KHDRBS1: variants seen among roughly 807,000 people sequenced by gnomAD.
The protein encoded by KHDRBS1 is KH domain-containing, RNA-binding, signal transduction-associated protein 1.
A neutral mutation model predicts 48.4 loss-of-function variants in KHDRBS1; 7 were observed. The observed-to-expected ratio is 0.14, with a 90% CI of 0.08 to 0.27. The LOEUF is 0.27. Ranked by LOEUF, KHDRBS1 falls within the 10% of genes least tolerant of loss-of-function variation. The probability of loss-of-function intolerance (pLI) is 1.00; values close to 1 mark genes in which losing one functional copy is unlikely to be tolerated. For missense variants in KHDRBS1, 458 were observed against 601.2 expected, an observed-to-expected ratio of 0.76 and a Z score of 2.49; for synonymous variants, 241 against 235.8, an observed-to-expected ratio of 1.02 and a Z score of -0.20.
intron 1 of KHDRBS1, among the ~76,000 whole-genome samples, chr1:32,015,416 A>T (rs970290193): frequency 2.0e-5 from 3 of 152,212 alleles, no homozygotes; most frequent in Non-Finnish European, 4.4e-5. Context: ...CTGAATGAGT[A>T]GTTGGACTCT....
At position 32,039,534 on chromosome 1, in the gene KHDRBS1, T is replaced by C; in HGVS notation, c.1195T>C (p.Tyr399His). ...TTTCAGGGACTCAGAATATTATGAC[T>C]ATGGACATGGGGAGGTTCAAGATTC... ...QSQGDSEYYD[Y>H]GHGEVQDSYE... The change falls in exon 8 of 9, where the codon TAT becomes CAT. Residue 399 changes from tyrosine (Y) to histidine (H), a missense_variant. Coordinates refer to ENST00000327300, the MANE Select transcript of KHDRBS1 (RefSeq NM_006559.3). 6.6e-7 allele frequency: 1 copy of C among 1,519,354 alleles called. No homozygotes were observed. Among genetic ancestry groups the C allele is most frequent in the Non-Finnish European group, 9.1e-7 (1 of 1,093,590 alleles). The allele number at this position is 1,519,354 out of a possible 1,614,324, so 94.1% of individuals were successfully genotyped here.
At chr1:32,039,740 C>T (rs1047141118) in intron 8 of KHDRBS1, among the ~76,000 whole-genome samples, 167 bp downstream of exon 8, 2 of 152,042 alleles carry the variant, frequency 1.3e-5, no homozygotes, top group Non-Finnish European at 2.9e-5. Flanking sequence ...TTAAATTTTG[C>T]GGTACATGGT....
intron 10 of KHDRBS1, among the ~76,000 whole-genome samples, chr1:32,051,730 C>T (rs1179344977): frequency 6.6e-6 from 1 of 152,202 alleles, no homozygotes; most frequent in Non-Finnish European, 1.5e-5. Context: ...CCTTCCTTAC[C>T]TACGGATACA....
Position 32,051,456 on chromosome 1 carries a change from T to A in KHDRBS1, n.1301+6066T>A, listed in dbSNP as rs75435561. ...GAGTTTGTAAGTGATAGAGCTAGGA[T>A]TTGATCCCAAGAATGGGTGACTACA... is the stretch of plus-strand genomic sequence containing the variant. On this transcript the variant is annotated intron_variant and non_coding_transcript_variant, in intron 10 of 10. Coordinates refer to the KHDRBS1 transcript ENST00000484270. Among the ~76,000 whole-genome samples the A allele has an allele frequency of 5.2e-3, 793 of 152,328 alleles. 2 individuals carry two copies. Among genetic ancestry groups the A allele is most frequent in the Non-Finnish European group, 8.5e-3 (576 of 68,026 alleles).
chr1:32,037,359 G>C (rs1253462942), intron 5 of KHDRBS1, among the ~76,000 whole-genome samples: 1 of 151,764 alleles, frequency 6.6e-6, no homozygotes, highest in Non-Finnish European at 1.5e-5. Context: ...CAAGAGAATT[G>C]CTTGAACCCA....
At chr1:32,048,092 A>C (rs764464228), downstream of KHDRBS1, among the ~76,000 whole-genome samples, 10 of 152,214 alleles carry the variant, frequency 6.6e-5, no homozygotes, top group African/African-American at 1.2e-4. Flanking sequence ...TAAGTATTTT[A>C]TCTCTCATTT....
chr1:32,056,124 C>T (rs1639477181), intron 10 of KHDRBS1, among the ~76,000 whole-genome samples: 2 of 152,122 alleles, frequency 1.3e-5, no homozygotes, highest in African/African-American at 4.8e-5. Flanking sequence ...TAGCCTCTCA[C>T]CAGTGACTGT....
chr1:32,030,835 T>C (rs908296944), intron 2 of KHDRBS1, among the ~76,000 whole-genome samples: 4 of 152,054 alleles, frequency 2.6e-5, no homozygotes. Flanking sequence ...AATGCTTTTT[T>C]TCTTCCTTTT....
chr1:32,039,549 G>T lies in KHDRBS1; in HGVS notation c.1210G>T (p.Val404Phe). ...ATATTATGACTATGGACATGGGGAGGTTCAAGATTCTTATGAAGCTTATGG... is the reference window on the plus strand; with the variant it reads ...ATATTATGACTATGGACATGGGGAGTTTCAAGATTCTTATGAAGCTTATGG... ...SEYYDYGHGE[V>F]QDSYEAYGQD... is the part of the protein sequence containing the mutation. Residue 404 changes from valine (V) to phenylalanine (F), a missense_variant, in exon 8 of 9, where the codon GTT (valine) becomes TTT (phenylalanine). Val to Phe is a conservative substitution (Grantham distance 50). This residue lies in a region of KHDRBS1 where 171 missense variants were observed against 228.7 expected (regional missense o/e 0.75). Transcript: ENST00000327300. 1 of 1,535,072 alleles carries T rather than the reference G, an allele frequency of 6.5e-7. No individual in the cohort carries two copies. The highest frequency in any genetic ancestry group is 9.0e-7 in the Non-Finnish European group (1 of 1,107,942).
At chr1:32,025,923 ATATATATT>A (rs1168558140) in intron 1 of KHDRBS1, among the ~76,000 whole-genome samples, 3 of 144,262 alleles carry the variant, frequency 2.1e-5, no homozygotes, top group African/African-American at 8.2e-5. Flanking sequence ...TTAAATATAT[ATATATATT>A]TATTTATTTA....
At chr1:32,018,445 T>C (rs895743146) in intron 1 of KHDRBS1, among the ~76,000 whole-genome samples, 2 of 124,872 alleles carry the variant, frequency 1.6e-5, no homozygotes, top group African/African-American at 6.1e-5. Context: ...TGGGCGACAG[T>C]GTGAGACTCC....
chr1:32,024,578 C>T (rs764280741), intron 1 of KHDRBS1, among the ~76,000 whole-genome samples: 7 of 151,952 alleles, frequency 4.6e-5, no homozygotes, highest in Non-Finnish European at 7.4e-5. Context: ...CCTCCCACCT[C>T]GGCCTCCCAA....
In KHDRBS1 at chr1:32,050,449, G is replaced by A. The variant is rs558501638; in HGVS notation, n.1301+5059G>A. Reference sequence around the variant, plus strand: ...GTAATAAACTATTGTCTCATTCAAGGTCAGGATTGTACCTGTTTGTTTCTT... The same window carrying A: ...GTAATAAACTATTGTCTCATTCAAGATCAGGATTGTACCTGTTTGTTTCTT... On this transcript the variant is annotated intron_variant and non_coding_transcript_variant, in intron 10 of 10. Transcript: ENST00000484270. Among the ~76,000 whole-genome samples the A allele has an allele frequency of 7.2e-5, 11 of 152,120 alleles. No homozygotes were observed. In the South Asian group the frequency reaches 2.1e-3, roughly 29 times the overall value.
intron 10 of KHDRBS1, among the ~76,000 whole-genome samples, chr1:32,057,054 G>A (rs1639485859): frequency 6.6e-6 from 1 of 152,210 alleles, no homozygotes; most frequent in African/African-American, 2.4e-5. Flanking sequence ...TTGAGGAAAT[G>A]ATGTTTAAGC....
intron 10 of KHDRBS1, among the ~76,000 whole-genome samples, chr1:32,049,673 T>A (rs563378300): frequency 2.0e-4 from 29 of 143,364 alleles, no homozygotes; most frequent in South Asian, 1.5e-3. Flanking sequence ...TTTATTTTTT[T>A]TTTTTTGAGA....
At chr1:32,014,470 A>G in intron 1 of KHDRBS1, 93 bp downstream of exon 1, 2 of 1,210,990 alleles carry the variant, frequency 1.7e-6, no homozygotes, top group Non-Finnish European at 2.1e-6. Context: ...CCCCCTCGGG[A>G]CCGAGGCAGT....
downstream of KHDRBS1, among the ~76,000 whole-genome samples, chr1:32,046,843 G>C (rs1196175991): frequency 1.3e-5 from 2 of 152,056 alleles, no homozygotes; most frequent in Non-Finnish European, 2.9e-5. Flanking sequence ...TTTAAGAGAG[G>C]GGCATATGTA....
Position 32,043,545 on chromosome 1 carries a change from C to G in KHDRBS1, c.*921C>G, listed in dbSNP as rs1189821828. The G allele has an allele frequency of 6.6e-6, 1 of 152,592 alleles. No homozygotes were observed. Among genetic ancestry groups the G allele is most frequent in the Non-Finnish European group, 1.5e-5 (1 of 68,026 alleles). The allele number at this position is 152,592 out of a possible 1,614,324, so 9.5% of individuals were successfully genotyped here. A position where few individuals can be genotyped will look rare whatever the true frequency, so the allele number is the denominator to read the frequency against. On this transcript the variant is annotated 3_prime_UTR_variant, in exon 9 of 9. Transcript: ENST00000327300. Reference sequence around the variant, plus strand: ...CAAAGTATTTTGTCCATTTGAGATTCTGCACTCCATGAAAAGTTCACTTGG... The same window carrying G: ...CAAAGTATTTTGTCCATTTGAGATTGTGCACTCCATGAAAAGTTCACTTGG...
chr1:32,032,211 GA>G (rs1639094863), intron 3 of KHDRBS1, among the ~76,000 whole-genome samples: 4 of 152,296 alleles, frequency 2.6e-5, no homozygotes, highest in Admixed American at 2.6e-4. Flanking sequence ...TCTGTGACAA[GA>G]AACTTCTCAC....
Sources: allele counts gnomAD v4.1 joint callset (sites outside exome capture counted in the v4.1 genomes callset), GRCh38; gene constraint gnomAD v4.1.1; regional missense constraint gnomAD v4.1.1; transcripts MANE v1.5; gene names NCBI Gene and HGNC (gene_info 2026-07-23, HGNC 2026-07-21).